Variants in ODAD2 observed in about 807,000 individuals in gnomAD.
ODAD2 encodes outer dynein arm docking complex subunit 2.
Under a neutral mutation model 106.8 loss-of-function variants are expected in ODAD2, and 89 were observed. The observed-to-expected ratio is 0.83, with a 90% confidence interval of 0.70 to 0.99. The LOEUF (loss-of-function observed/expected upper bound fraction) is 0.99, where lower values mean the gene tolerates loss of function less well. Ranked by LOEUF, ODAD2 falls within the 50% of genes least tolerant of loss-of-function variation. The pLI is 0.00. For missense variants in ODAD2, 1,168 were observed against 1,238.5 expected, an observed-to-expected ratio of 0.94 and a Z score of 0.85; for synonymous variants, 404 against 436.2, an observed-to-expected ratio of 0.93 and a Z score of 0.92.
intron 6 of ODAD2, 197 bp from the exon 7 acceptor site, chr10:27,981,779 T>G (rs1400852606): frequency 2.4e-6 from 1 of 409,684 alleles, no homozygotes; most frequent in African/African-American, 2.1e-5. Context: ...ATTCACTCAT[T>G]CCTTCCTTCA....
intron 17 of ODAD2, among the ~76,000 whole-genome samples, chr10:27,902,613 G>T (rs775676502): frequency 2.0e-5 from 3 of 152,088 alleles, no homozygotes; most frequent in Non-Finnish European, 4.4e-5. Flanking sequence ...TGATACAGGG[G>T]AGATCACCAC....
At chr10:27,953,785 T>C (rs1383719186) in intron 10 of ODAD2, among the ~76,000 whole-genome samples, 5 of 152,194 alleles carry the variant, frequency 3.3e-5, no homozygotes, top group East Asian at 1.9e-4. Flanking sequence ...AAGTTTCACA[T>C]TGAGCATATA....
intron 19 of ODAD2, among the ~76,000 whole-genome samples, chr10:27,850,934 G>A (rs555458267): frequency 1.4e-4 from 22 of 152,302 alleles, no homozygotes; most frequent in African/African-American, 5.3e-4. Flanking sequence ...AGGAGACAGA[G>A]CTGGAAGTCT....
intron 17 of ODAD2, among the ~76,000 whole-genome samples, chr10:27,907,051 C>T (rs1843650532): frequency 6.6e-6 from 1 of 151,920 alleles, no homozygotes; most frequent in African/African-American, 2.4e-5. Context: ...ACTTCAGCAA[C>T]AAGGATCTTA....
chr10:27,848,275 A>G lies in ODAD2; in HGVS notation c.3021+12350T>C, dbSNP rs1001387202. ...CCCTCAGAAATAATACTACACATCT[A>G]CAACCATCTGATCTTTGACAAACCT... On this transcript the variant is annotated intron_variant, in intron 19 of 19. Coordinates refer to ENST00000305242, the MANE Select transcript of ODAD2 (RefSeq NM_018076.5). 2.0e-5 allele frequency among the ~76,000 whole-genome samples: 3 copies of G among 152,232 alleles called. No homozygotes were observed. In the South Asian group the frequency reaches 6.2e-4, roughly 32 times the overall value.
chr10:27,985,584 T>C (rs984135039), intron 3 of ODAD2, among the ~76,000 whole-genome samples: 1 of 152,160 alleles, frequency 6.6e-6, no homozygotes, highest in Non-Finnish European at 1.5e-5. Flanking sequence ...CTTAGAAGAA[T>C]CATCACTAGA....
At chr10:27,895,251 T>A (rs756449029) in intron 17 of ODAD2, among the ~76,000 whole-genome samples, 22 of 152,198 alleles carry the variant, frequency 1.4e-4, no homozygotes, top group Non-Finnish European at 3.1e-4. Flanking sequence ...ATCTCAGACC[T>A]GGGCACCAAA....
At chr10:27,842,462 A>G (rs1436940442) in intron 19 of ODAD2, among the ~76,000 whole-genome samples, 1 of 152,250 alleles carries the variant, frequency 6.6e-6, no homozygotes, top group South Asian at 2.1e-4. Context: ...TTAGCAATAC[A>G]TATTTTCCTC....
chr10:27,962,684 G>A (rs1481659151), intron 9 of ODAD2, among the ~76,000 whole-genome samples: 2 of 152,168 alleles, frequency 1.3e-5, no homozygotes, highest in African/African-American at 2.4e-5. Flanking sequence ...AGTATTACAA[G>A]AGACTTCTGG....
At chr10:27,949,596 C>T (rs1247363702) in intron 10 of ODAD2, among the ~76,000 whole-genome samples, 1 of 152,154 alleles carries the variant, frequency 6.6e-6, no homozygotes, top group Non-Finnish European at 1.5e-5. Flanking sequence ...GGCCAGAGCC[C>T]AGGGTGGGAG....
At position 27,963,348 on chromosome 10, in the gene ODAD2, C is replaced by G. The variant is rs1392204759; in HGVS notation, c.1239-1633G>C. On this transcript the variant is annotated intron_variant, in intron 9 of 19. Coordinates refer to ENST00000305242, the MANE Select transcript of ODAD2 (RefSeq NM_018076.5). ...TATTCATTATTTCTAAACCTCACAA[C>G]CACTTTGCAAAGCAGGCTCTATTAT... Among the ~76,000 whole-genome samples, 6 of 152,006 alleles carry G rather than the reference C, an allele frequency of 3.9e-5. No individual in the cohort carries two copies. The South Asian group carries it at 1.0e-3, about 26-fold the overall frequency.
At position 27,935,247 on chromosome 10, in the gene ODAD2, C is replaced by T. The variant is rs760325470; in HGVS notation, c.2258G>A (p.Arg753Gln). ...CAAGGTTTCAATGGCTTTGTATTCCCGAAACCTAAGTTCATCATAAGAAAG... is the reference window on the plus strand; with the variant it reads ...CAAGGTTTCAATGGCTTTGTATTCCTGAAACCTAAGTTCATCATAAGAAAG... ...SISKENVTKF[R>Q]EYKAIETLVG... Residue 753 changes from arginine (R) to glutamine (Q), a missense_variant, in exon 16 of 20, where the codon CGG (arginine) becomes CAG (glutamine). Around this residue, in one of 3 missense-constraint regions of ODAD2, gnomAD observed 701 missense variants for 712.3 expected, o/e 0.98. Coordinates refer to ENST00000305242, the MANE Select transcript of ODAD2 (RefSeq NM_018076.5). 139 of 1,613,436 alleles carry T rather than the reference C, an allele frequency of 8.6e-5. 1 individual carries two copies. The highest frequency in any genetic ancestry group is 1.2e-4 in the African/African-American group (9 of 74,906).
chr10:27,906,919 G>C (rs12415974), intron 17 of ODAD2, among the ~76,000 whole-genome samples: 20,747 of 152,012 alleles, frequency 0.14, 1,565 homozygotes, highest in Non-Finnish European at 0.16. Context: ...TGTAGATGAC[G>C]GGTTGATGGG....
chr10:27,956,288 C>G (rs1379522529), intron 10 of ODAD2, among the ~76,000 whole-genome samples: 1 of 152,124 alleles, frequency 6.6e-6, no homozygotes, highest in African/African-American at 2.4e-5. Flanking sequence ...ATGCTTTCAT[C>G]ATCCCTTTCC....
chr10:27,924,885 TTAAAAA>T (rs1845147052), intron 16 of ODAD2, among the ~76,000 whole-genome samples: 1 of 151,556 alleles, frequency 6.6e-6, no homozygotes, highest in Non-Finnish European at 1.5e-5. Context: ...AAATAATTTT[TTAAAAA>T]ACTGTAGGTC....
At chr10:27,890,968 C>T (rs912601091) in intron 17 of ODAD2, among the ~76,000 whole-genome samples, 1 of 152,106 alleles carries the variant, frequency 6.6e-6, no homozygotes, top group East Asian at 1.9e-4. Context: ...GATTATTTGG[C>T]ACCATGTCAT....
chr10:27,948,779 AT>A (rs11451204), intron 10 of ODAD2, among the ~76,000 whole-genome samples: 1,112 of 40,322 alleles, frequency 0.028, 3 homozygotes, highest in African/African-American at 0.089. Context: ...TGGCCTTTGG[AT>A]TTTTTTTTTT....
intron 19 of ODAD2, among the ~76,000 whole-genome samples, chr10:27,828,413 A>T (rs1837230879): frequency 6.6e-6 from 1 of 152,160 alleles, no homozygotes; most frequent in Non-Finnish European, 1.5e-5. Context: ...TCAAAATGAG[A>T]TCACCATTAC....
chr10:27,926,350 C>T (rs982473550), intron 16 of ODAD2, among the ~76,000 whole-genome samples: 1 of 150,952 alleles, frequency 6.6e-6, no homozygotes, highest in African/African-American at 2.4e-5. Context: ...CAGAATTCAA[C>T]GGAGCTCATT....
Sources: allele counts gnomAD v4.1 joint callset (sites outside exome capture counted in the v4.1 genomes callset), GRCh38; gene constraint gnomAD v4.1.1; regional missense constraint gnomAD v4.1.1; transcripts MANE v1.5; gene names NCBI Gene and HGNC (gene_info 2026-07-23, HGNC 2026-07-21).